WDFY1: variants seen among roughly 807,000 people sequenced by gnomAD.
WDFY1 encodes WD repeat and FYVE domain-containing protein 1.
In WDFY1, 32 loss-of-function variants were observed where a neutral mutation model predicts 56.4. The ratio of observed to expected loss-of-function variants is 0.57; its 90% confidence interval spans 0.43 to 0.76. WDFY1 has a LOEUF of 0.76. Ranked by LOEUF, WDFY1 falls within the 30% of genes least tolerant of loss-of-function variation. WDFY1 has a pLI of 0.00. For synonymous variants in WDFY1, 192 were observed against 197.3 expected (o/e 0.97, Z 0.23); for missense variants, 480 against 545.7 (o/e 0.88, Z 1.20).
intron 6 of WDFY1, 138 bp from the exon 7 acceptor site, chr2:223,895,768 G>A (rs1693356613): frequency 8.6e-7 from 1 of 1,165,204 alleles, no homozygotes; most frequent in Non-Finnish European, 1.2e-6. Context: ...TATCTTCATG[G>A]TGTACAACGG....
At chr2:223,920,956 T>G (rs984195035) in intron 1 of WDFY1, among the ~76,000 whole-genome samples, 1 of 152,178 alleles carries the variant, frequency 6.6e-6, no homozygotes, top group African/African-American at 2.4e-5. Flanking sequence ...CTGTTTTTCT[T>G]TATTAAAATC....
At chr2:223,896,177 A>AAAAAAAAAAAAAAAC (rs1559165606) in intron 6 of WDFY1, among the ~76,000 whole-genome samples, 4 of 148,402 alleles carry the variant, frequency 2.7e-5, no homozygotes, top group African/African-American at 1.0e-4. Context: ...AAAAAAAAAA[A>AAAAAAAAAAAAAAAC]AAAAAACTGC....
chr2:223,924,146 G>T (rs1286066221), intron 1 of WDFY1, among the ~76,000 whole-genome samples: 2 of 152,186 alleles, frequency 1.3e-5, no homozygotes, highest in African/African-American at 4.8e-5. Flanking sequence ...TCCTTAGAAA[G>T]GAAATGTGTC....
chr2:223,900,757 C>G lies in WDFY1; in HGVS notation c.485+426G>C, dbSNP rs553450396. The G allele has an allele frequency of 1.6e-4, 25 of 159,618 alleles. No homozygotes were observed. The South Asian group carries it at 4.5e-3, about 29-fold the overall frequency. 9.9% of individuals were successfully genotyped at this position (159,618 alleles called of 1,614,324 possible). A position where few individuals can be genotyped will look rare whatever the true frequency, so the allele number is the denominator to read the frequency against. On this transcript the variant is annotated intron_variant, in intron 5 of 11. Coordinates refer to ENST00000233055, the MANE Select transcript of WDFY1 (RefSeq NM_020830.5). ...TATACTTACAGAGTCTGCAAATAAC[C>G]AATTACTAGAAGACAAGTTCCTTTT...
chr2:223,919,263 C>A (rs1425225662), intron 1 of WDFY1, among the ~76,000 whole-genome samples: 1 of 152,170 alleles, frequency 6.6e-6, no homozygotes, highest in Non-Finnish European at 1.5e-5. Flanking sequence ...CAGGTTGGAG[C>A]GCAGTGGCAC....
At chr2:223,896,181 A>AAAAAAAAAAAAAAT in intron 6 of WDFY1, among the ~76,000 whole-genome samples, 1 of 139,108 alleles carries the variant, frequency 7.2e-6, no homozygotes, top group Non-Finnish European at 1.6e-5. Flanking sequence ...AAAAAAAAAA[A>AAAAAAAAAAAAAAT]AACTGCTTGT....
rs115098345 is a variant in WDFY1 at position 223,924,803 on chromosome 2, G to A, written c.138-6793C>T. Among the ~76,000 whole-genome samples, 421 of 152,238 alleles carry A rather than the reference G, an allele frequency of 2.8e-3. 3 individuals carry two copies. The highest frequency in any genetic ancestry group is 9.8e-3 in the African/African-American group (408 of 41,540). On this transcript the variant is annotated intron_variant, in intron 1 of 11. Coordinates refer to ENST00000233055, the MANE Select transcript of WDFY1 (RefSeq NM_020830.5). ...TTTTTAAAATGTACTGCTGTGCAGG[G>A]AAAGCAAAGGAACAACTCAAAACAA...
At chr2:223,900,248 G>A (rs562777045) in intron 5 of WDFY1, among the ~76,000 whole-genome samples, 20 of 152,246 alleles carry the variant, frequency 1.3e-4, no homozygotes, top group Non-Finnish European at 2.5e-4. Flanking sequence ...GGCCTAGCAC[G>A]TAACAAAAAC....
intron 1 of WDFY1, among the ~76,000 whole-genome samples, chr2:223,941,421 C>T (rs13020280): frequency 0.34 from 51,124 of 151,884 alleles, 9,721 homozygotes; most frequent in Non-Finnish European, 0.43. Flanking sequence ...CTGTCCTTTC[C>T]TCCTTCCTCT....
At chr2:223,922,710 T>A (rs571416264) in intron 1 of WDFY1, among the ~76,000 whole-genome samples, 3 of 152,346 alleles carry the variant, frequency 2.0e-5, no homozygotes, top group African/African-American at 7.2e-5. Flanking sequence ...GTGCTCTTGC[T>A]CAGTGCTCAT....
chr2:223,881,270 T>C (rs1343385002), intron 10 of WDFY1, among the ~76,000 whole-genome samples: 2 of 152,214 alleles, frequency 1.3e-5, no homozygotes, highest in Admixed American at 6.5e-5. Flanking sequence ...GGGCACTGGA[T>C]ACTTTTATAG....
intron 1 of WDFY1, among the ~76,000 whole-genome samples, chr2:223,929,163 T>TC (rs1292298430): frequency 7.4e-6 from 1 of 134,570 alleles, no homozygotes; most frequent in Non-Finnish European, 1.6e-5. Flanking sequence ...CTGTCTAACT[T>TC]CTTTTTTTTT....
At chr2:223,902,767 AT>A (rs1359516589) in intron 4 of WDFY1, among the ~76,000 whole-genome samples, 1 of 149,722 alleles carries the variant, frequency 6.7e-6, no homozygotes, top group East Asian at 1.9e-4. Flanking sequence ...TATTTATAAA[AT>A]ATTTATAAAT....
At chr2:223,907,677 G>C (rs1383611826) in intron 3 of WDFY1, among the ~76,000 whole-genome samples, 1 of 152,180 alleles carries the variant, frequency 6.6e-6, no homozygotes, top group East Asian at 1.9e-4. Context: ...TGCACATGAT[G>C]ATATTCCTAT....
At chr2:223,915,478 T>C (rs765318695) in intron 2 of WDFY1, among the ~76,000 whole-genome samples, 3 of 152,200 alleles carry the variant, frequency 2.0e-5, no homozygotes, top group Non-Finnish European at 4.4e-5. Context: ...TTGGGGGAAA[T>C]GCAAGTCAAG....
chr2:223,894,457 C>T (rs973832169), intron 7 of WDFY1, 118 bp from the exon 8 acceptor site: 2 of 917,300 alleles, frequency 2.2e-6, no homozygotes, highest in Non-Finnish European at 3.5e-6. Context: ...TTACCACTGA[C>T]TATTTAGCAT....
At chr2:223,932,921 C>A (rs949076362) in intron 1 of WDFY1, among the ~76,000 whole-genome samples, 2 of 150,692 alleles carry the variant, frequency 1.3e-5, no homozygotes, top group Non-Finnish European at 2.9e-5. Context: ...AACATTAAGA[C>A]GTTTGCCTGA....
rs1010341393 is a variant in WDFY1, at chr2:223,895,622, C to T, written c.607G>A (p.Ala203Thr). The change falls in exon 7 of 12, where the codon GCC (alanine) becomes ACC (threonine). Residue 203 changes from alanine to threonine, a missense_variant. By Grantham distance (58) the Ala-to-Thr change is moderately conservative. Transcript: ENST00000233055. ...TTLKGHEGSV[A>T]CLWWDPIQRL... Reference sequence around the variant, plus strand: ...TGAATAGGGTCCCACCAGAGGCAGGCGACACTACCTAGGGATTTGTGAGAG... The same window carrying T: ...TGAATAGGGTCCCACCAGAGGCAGGTGACACTACCTAGGGATTTGTGAGAG... 5.6e-6 allele frequency: 9 copies of T among 1,613,394 alleles called. No individual in the cohort carries two copies. The highest frequency in any genetic ancestry group is 1.3e-5 in the African/African-American group (1 of 74,752).
intron 1 of WDFY1, among the ~76,000 whole-genome samples, chr2:223,942,726 G>A (rs1176853560): frequency 1.8e-5 from 2 of 110,160 alleles, no homozygotes; most frequent in Non-Finnish European, 3.9e-5. Context: ...TAGTAGAGAC[G>A]GGGTTTCACC....
Sources: gnomAD v4.1 joint callset for allele counts (sites outside exome capture counted in the v4.1 genomes callset) on GRCh38, gnomAD v4.1.1 for gene constraint, MANE v1.5 for transcripts, NCBI Gene and HGNC (gene_info 2026-07-23, HGNC 2026-07-21) for gene names.